Variants in TOR1AIP2 observed in about 807,000 individuals in gnomAD.
TOR1AIP2 encodes torsin-1A-interacting protein 2.
TOR1AIP2 carries 20 observed loss-of-function variants against 32.6 expected under a neutral mutation model. That is an observed-to-expected ratio of 0.61 (90% CI 0.43 to 0.89). The LOEUF (loss-of-function observed/expected upper bound fraction) is 0.89, where lower values mean the gene tolerates loss of function less well. Ranked by LOEUF, TOR1AIP2 falls within the 40% of genes least tolerant of loss-of-function variation. The pLI, the probability that TOR1AIP2 is intolerant of heterozygous loss-of-function variation, is 0.00. For missense variants in TOR1AIP2, 456 were observed against 553.8 expected (o/e 0.82, Z 1.77); for synonymous variants, 214 against 210.8 (o/e 1.02, Z -0.13).
chr1:179,861,437 A>C, intron 3 of TOR1AIP2: 3 of 984,656 alleles, frequency 3.0e-6, no homozygotes, highest in Non-Finnish European at 3.6e-6. Context: ...CATGATGTTG[A>C]TTTCTGACAG....
intron 2 of TOR1AIP2, among the ~76,000 whole-genome samples, chr1:179,871,494 T>G (rs572535295): frequency 8.5e-5 from 13 of 152,364 alleles, no homozygotes; most frequent in Admixed American, 5.9e-4. Context: ...TGTATGTTAG[T>G]AAGTTCAAAT....
intron 3 of TOR1AIP2, chr1:179,859,730 C>A (rs922439928): frequency 3.0e-6 from 3 of 985,336 alleles, no homozygotes; most frequent in East Asian, 1.1e-4. Flanking sequence ...TCCCTCCAGG[C>A]CTTTTAATCT....
rs1055072675 is a variant in TOR1AIP2 at position 179,840,091 on chromosome 1, G to C, written c.*5980C>G. 1.3e-5 allele frequency: 2 copies of C among 152,250 alleles called. No homozygotes were observed. Among genetic ancestry groups the C allele is most frequent in the African/African-American group, 4.8e-5 (2 of 41,466 alleles). The allele number at this position is 152,250 out of a possible 1,614,324, so 9.4% of individuals were successfully genotyped here. On this transcript the variant is annotated 3_prime_UTR_variant, in exon 7 of 7. Coordinates refer to ENST00000609928, the MANE Select transcript of TOR1AIP2 (RefSeq NM_001199260.2). ...CTGTTATACAGAAAGGGAGTGCAGA[G>C]AAGTGGGACGTTAGTATTGGCAAAG...
chr1:179,848,661 C>T (rs1188751670), intron 5 of TOR1AIP2, among the ~76,000 whole-genome samples: 1 of 152,192 alleles, frequency 6.6e-6, no homozygotes, highest in Non-Finnish European at 1.5e-5. Context: ...TGAGTAGGAT[C>T]ATCTTCACTT....
intron 3 of TOR1AIP2, chr1:179,862,617 TC>T (rs1240364241): frequency 9.8e-5 from 97 of 985,306 alleles, no homozygotes; most frequent in Non-Finnish European, 1.1e-4. Context: ...AGCCATTCAT[TC>T]CTCACGTTTT....
intron 2 of TOR1AIP2, chr1:179,867,549 A>C (rs547288532): frequency 9.8e-5 from 15 of 152,356 alleles, no homozygotes; most frequent in Middle Eastern, 6.8e-3. Flanking sequence ...TCTGACATTT[A>C]ATTGATCAGA....
intron 2 of TOR1AIP2, among the ~76,000 whole-genome samples, chr1:179,870,435 A>AT (rs1198026572): frequency 2.0e-5 from 3 of 151,806 alleles, no homozygotes; most frequent in Admixed American, 6.6e-5. Context: ...ACACATGTGC[A>AT]TTTTTTTCCA....
intron 3 of TOR1AIP2, among the ~76,000 whole-genome samples, chr1:179,857,112 A>AG (rs1465419016): frequency 6.6e-6 from 1 of 152,254 alleles, no homozygotes; most frequent in Non-Finnish European, 1.5e-5. Context: ...ATCTTCTACA[A>AG]GGAACTGATG....
chr1:179,848,090 AT>A (rs1308913885), intron 5 of TOR1AIP2, among the ~76,000 whole-genome samples: 1 of 151,974 alleles, frequency 6.6e-6, no homozygotes, highest in East Asian at 1.9e-4. Context: ...CTTTAAGACT[AT>A]TACTTTTATT....
At chr1:179,861,103 A>C (rs1696513517) in intron 3 of TOR1AIP2, 1 of 985,290 alleles carries the variant, frequency 1.0e-6, no homozygotes, top group African/African-American at 1.7e-5. Context: ...AACAGGGAGT[A>C]GTTATAATGG....
At position 179,851,157 on chromosome 1, in the gene TOR1AIP2, G is replaced by A. The variant is rs1696101774; in HGVS notation, c.241C>T (p.His81Tyr). The change falls in exon 5 of 7, where the codon CAT (histidine) becomes TAT (tyrosine). Residue 81 changes from histidine to tyrosine, a missense_variant. By Grantham distance (83) the His-to-Tyr change is moderately conservative. Coordinates refer to ENST00000609928, the MANE Select transcript of TOR1AIP2 (RefSeq NM_001199260.2). ...ESPDEANVGKHPKDKTEDENK... is the reference protein window; with the variant it reads ...ESPDEANVGKYPKDKTEDENK... ...TCATCTTCTGTTTTATCCTTTGGAT[G>A]TTTCCCCACATTTGCTTCATCTGGA... The A allele has an allele frequency of 1.2e-6, 2 of 1,613,902 alleles. No homozygotes were observed. Among genetic ancestry groups the A allele is most frequent in the South Asian group, 1.1e-5 (1 of 91,084 alleles).
Position 179,846,680 on chromosome 1 carries a change from G to A in TOR1AIP2, c.804C>T (p.Gly268=). ...CTCTCTGCCACAGGAAGGAACTCTG[G>A]CCTGGAAATTTATCTTCCAATTGGC... is the stretch of plus-strand genomic sequence containing the variant. ...QFSQLEDKFP[G]QSSFLWQRGR... Residue 268 remains glycine (G), a synonymous_variant, in exon 7 of 7, where the codon GGC becomes GGT. Coordinates refer to ENST00000609928, the MANE Select transcript of TOR1AIP2 (RefSeq NM_001199260.2). The A allele has an allele frequency of 6.2e-7, 1 of 1,614,140 alleles. No homozygotes were observed.
At chr1:179,854,102 A>G (rs1696210233) in intron 3 of TOR1AIP2, among the ~76,000 whole-genome samples, 1 of 152,200 alleles carries the variant, frequency 6.6e-6, no homozygotes, top group Non-Finnish European at 1.5e-5. Context: ...CTATGTACCA[A>G]TAACAAAAAT....
chr1:179,852,684 C>A lies in TOR1AIP2; in HGVS notation c.-19G>T. 6.2e-7 allele frequency: 1 copy of A among 1,613,968 alleles called. No homozygotes were observed. The highest frequency in any genetic ancestry group is 8.5e-7 in the Non-Finnish European group (1 of 1,179,922). ...CGGCCATGTTTGTGTTCTATCTCTT[C>A]AGAGTTGGGAGGATACTTTTTTTAG... On this transcript the variant is annotated 5_prime_UTR_variant, in exon 4 of 7. Coordinates refer to ENST00000609928, the MANE Select transcript of TOR1AIP2 (RefSeq NM_001199260.2).
intron 3 of TOR1AIP2, chr1:179,864,524 A>G (rs1315311092): frequency 8.4e-7 from 1 of 1,184,684 alleles, no homozygotes; most frequent in Non-Finnish European, 1.0e-6. Context: ...TAGTTCCAAA[A>G]CAGTTTATAG....
intron 2 of TOR1AIP2, among the ~76,000 whole-genome samples, chr1:179,876,838 G>C (rs1647354916): frequency 6.6e-6 from 1 of 152,170 alleles, no homozygotes; most frequent in African/African-American, 2.4e-5. Flanking sequence ...TCATAAAGTA[G>C]AGAGTACTAT....
chr1:179,872,238 TTCTA>T (rs558969259), intron 2 of TOR1AIP2, among the ~76,000 whole-genome samples: 171 of 152,270 alleles, frequency 1.1e-3, no homozygotes, highest in African/African-American at 4.1e-3. Flanking sequence ...ACTGGTACAT[TTCTA>T]TCTATGTTGC....
intron 2 of TOR1AIP2, among the ~76,000 whole-genome samples, chr1:179,866,442 C>A (rs1476832599): frequency 1.3e-5 from 2 of 151,890 alleles, no homozygotes; most frequent in Non-Finnish European, 2.9e-5. Flanking sequence ...GACAGAGTTT[C>A]ATTCTTGTTG....
chr1:179,853,157 C>T (rs1252335887), intron 3 of TOR1AIP2, among the ~76,000 whole-genome samples: 1 of 152,190 alleles, frequency 6.6e-6, no homozygotes, highest in African/African-American at 2.4e-5. Context: ...GAAACAATCA[C>T]TGCAGATTTC....
Sources: gnomAD v4.1 joint callset for allele counts (sites outside exome capture counted in the v4.1 genomes callset) on GRCh38, gnomAD v4.1.1 for gene constraint, MANE v1.5 for transcripts, NCBI Gene and HGNC (gene_info 2026-07-23, HGNC 2026-07-21) for gene names.